THSD7B: variants seen among roughly 807,000 people sequenced by gnomAD.
The protein encoded by THSD7B is thrombospondin type-1 domain-containing protein 7B.
Under a neutral mutation model 213.6 loss-of-function variants are expected in THSD7B, and 138 were observed. The ratio of observed to expected loss-of-function variants is 0.65; its 90% CI spans 0.56 to 0.74. The LOEUF (loss-of-function observed/expected upper bound fraction) is 0.74. THSD7B is among the 30% of genes least tolerant of loss of function. The probability of loss-of-function intolerance (pLI) is 0.00; values close to 1 mark genes in which losing one functional copy is unlikely to be tolerated. For synonymous variants in THSD7B, 742 were observed against 687.0 expected (o/e 1.08, Z -1.25); for missense variants, 1,931 against 1,991.5 (o/e 0.97, Z 0.58).
At chr2:137,047,301 T>C (rs1686989227) in intron 2 of THSD7B, among the ~76,000 whole-genome samples, 1 of 152,174 alleles carries the variant, frequency 6.6e-6, no homozygotes, top group African/African-American at 2.4e-5. Flanking sequence ...TTCCTGAAAG[T>C]CTTCAGCATA....
intron 10 of THSD7B, among the ~76,000 whole-genome samples, chr2:137,267,673 A>G (rs1682626865): frequency 1.3e-5 from 2 of 152,188 alleles, no homozygotes; most frequent in African/African-American, 4.8e-5. Context: ...TATCTGTAAA[A>G]TGGGAATAAT....
chr2:137,006,035 T>C (rs1686101074), intron 2 of THSD7B, among the ~76,000 whole-genome samples: 1 of 152,166 alleles, frequency 6.6e-6, no homozygotes, highest in Non-Finnish European at 1.5e-5. Context: ...CACCTTTAAA[T>C]ACTAAAGCAA....
chr2:136,994,091 A>G (rs1261177533), intron 2 of THSD7B, among the ~76,000 whole-genome samples: 1 of 152,204 alleles, frequency 6.6e-6, no homozygotes, highest in East Asian at 1.9e-4. Flanking sequence ...CACATCACAG[A>G]TGACTTGCCT....
rs943865168 is a variant in THSD7B at position 137,630,397 on chromosome 2, C to T, written c.3799+9671C>T. Among the ~76,000 whole-genome samples, 97 of 152,210 alleles carry T rather than the reference C, an allele frequency of 6.4e-4. 1 individual carries two copies. Among genetic ancestry groups the T allele is most frequent in the Non-Finnish European group, 1.5e-4 (10 of 68,038 alleles). ...ACCCTCAAGACTGTGCCAAGGCAGCCTCTGTGGGTGTATCATGTTATTCCC... is the reference window on the plus strand; with the variant it reads ...ACCCTCAAGACTGTGCCAAGGCAGCTTCTGTGGGTGTATCATGTTATTCCC... On this transcript the variant is annotated intron_variant, in intron 20 of 27. Coordinates refer to ENST00000409968, the MANE Select transcript of THSD7B (RefSeq NM_001316349.2).
chr2:136,972,901 T>G (rs1685426322), intron 2 of THSD7B, among the ~76,000 whole-genome samples: 1 of 152,196 alleles, frequency 6.6e-6, no homozygotes, highest in Non-Finnish European at 1.5e-5. Context: ...TCTCTTCTGG[T>G]GATCTAGTGA....
At chr2:137,564,202 C>T (rs776674978) in intron 16 of THSD7B, among the ~76,000 whole-genome samples, 9 of 152,120 alleles carry the variant, frequency 5.9e-5, no homozygotes, top group Middle Eastern at 3.4e-3. Context: ...AATCAGGTAG[C>T]TGCCTATTGA....
At chr2:137,412,783 T>A (rs1177906968) in intron 14 of THSD7B, among the ~76,000 whole-genome samples, 1 of 151,206 alleles carries the variant, frequency 6.6e-6, no homozygotes, top group African/African-American at 2.4e-5. Flanking sequence ...TCTGGGTGTA[T>A]GGAAAAAGAA....
chr2:137,152,790 A>G (rs1344505139), intron 5 of THSD7B, among the ~76,000 whole-genome samples: 1 of 152,196 alleles, frequency 6.6e-6, no homozygotes, highest in Non-Finnish European at 1.5e-5. Flanking sequence ...GGACCTTTTG[A>G]AAGCTCCCCT....
intron 1 of THSD7B, among the ~76,000 whole-genome samples, chr2:136,779,516 A>G (rs549586234): frequency 9.8e-5 from 15 of 152,296 alleles, no homozygotes; most frequent in African/African-American, 3.6e-4. Flanking sequence ...TGCTGAGCAC[A>G]TTACTGCATA....
chr2:137,466,355 A>G (rs1270015930), intron 15 of THSD7B, among the ~76,000 whole-genome samples: 3 of 152,162 alleles, frequency 2.0e-5, no homozygotes, highest in East Asian at 1.9e-4. Flanking sequence ...GTGGGAGGTC[A>G]TAAAGTGTGA....
At chr2:137,384,687 G>A (rs1166764266) in intron 12 of THSD7B, among the ~76,000 whole-genome samples, 4 of 152,242 alleles carry the variant, frequency 2.6e-5, no homozygotes, top group Admixed American at 2.0e-4. Context: ...TCTTACAGTC[G>A]TGGCCTAGAG....
At chr2:136,916,679 T>C (rs1024459343) in intron 2 of THSD7B, among the ~76,000 whole-genome samples, 3 of 152,226 alleles carry the variant, frequency 2.0e-5, no homozygotes, top group Non-Finnish European at 4.4e-5. Flanking sequence ...AGCTTCCAGA[T>C]GGTTTAGTTT....
At chr2:137,477,337 C>A (rs559235967) in intron 15 of THSD7B, among the ~76,000 whole-genome samples, 1 of 152,044 alleles carries the variant, frequency 6.6e-6, no homozygotes, top group Non-Finnish European at 1.5e-5. Context: ...CTCATTTTTG[C>A]TTTCTGTTTG....
intron 14 of THSD7B, among the ~76,000 whole-genome samples, chr2:137,442,135 G>A (rs1293134079): frequency 6.6e-6 from 1 of 151,958 alleles, no homozygotes; most frequent in Admixed American, 6.6e-5. Context: ...GATGACATAA[G>A]GTTAGACTTT....
At chr2:137,147,381 G>A (rs1052115155) in intron 5 of THSD7B, among the ~76,000 whole-genome samples, 9 of 151,856 alleles carry the variant, frequency 5.9e-5, no homozygotes, top group African/African-American at 2.2e-4. Context: ...GAGTTAACTT[G>A]TTTAGTCTAA....
intron 2 of THSD7B, among the ~76,000 whole-genome samples, chr2:137,007,129 A>T (rs534822143): frequency 6.6e-6 from 1 of 152,304 alleles, no homozygotes; most frequent in South Asian, 2.1e-4. Context: ...CATATGACTA[A>T]TAGTGAGGTT....
intron 1 of THSD7B, among the ~76,000 whole-genome samples, chr2:136,789,842 C>G (rs973944963): frequency 6.6e-6 from 1 of 152,078 alleles, no homozygotes; most frequent in South Asian, 2.1e-4. Context: ...ACCACAAACT[C>G]TTTGTGGAGG....
chr2:136,862,942 T>C (rs1245361549), intron 1 of THSD7B, among the ~76,000 whole-genome samples: 2 of 152,206 alleles, frequency 1.3e-5, no homozygotes, highest in African/African-American at 4.8e-5. Context: ...ATCAGAAGTT[T>C]TCACGTTTCA....
rs1680721816 is a variant in THSD7B, at chr2:137,546,414, ATTATATATATT to A, written c.3139-16806_3139-16796del. ...TATATATTATATATATTATATATATATTATATATATTATATATATATTATATATATTATATA... is the reference window on the plus strand; with the variant it reads ...TATATATTATATATATTATATATATAATATATATATTATATATATTATATA... On this transcript the variant is annotated intron_variant, in intron 15 of 27. Coordinates refer to ENST00000409968, the MANE Select transcript of THSD7B (RefSeq NM_001316349.2). 6.4e-4 allele frequency among the ~76,000 whole-genome samples: 21 copies of A among 32,984 alleles called. 2 individuals are homozygous for A. The highest frequency in any genetic ancestry group is 2.3e-3 in the African/African-American group (12 of 5,326). 21.6% of individuals were successfully genotyped at this position (32,984 alleles called of 152,430 possible). A position where few individuals can be genotyped will look rare whatever the true frequency, so the allele number is the denominator to read the frequency against.
Sources: allele counts gnomAD v4.1 joint callset (sites outside exome capture counted in the v4.1 genomes callset), GRCh38; gene constraint gnomAD v4.1.1; transcripts MANE v1.5; gene names NCBI Gene and HGNC (gene_info 2026-07-23, HGNC 2026-07-21).